The following NME7 variants were observed in gnomAD, a reference collection of about 807,000 sequenced individuals.
NME7 encodes NME/NM23 family member 7.
Under a neutral mutation model 49.1 loss-of-function variants are expected in NME7, and 41 were observed. That is an observed-to-expected ratio of 0.83 (90% confidence interval 0.65 to 1.08). NME7 has a LOEUF of 1.08. Ranked by LOEUF, NME7 falls within the 50% of genes least tolerant of loss-of-function variation. NME7 has a pLI of 0.00. For synonymous variants in NME7, 139 were observed against 150.6 expected, an observed-to-expected ratio of 0.92 and a Z score of 0.56; for missense variants, 423 against 463.4, an observed-to-expected ratio of 0.91 and a Z score of 0.80.
chr1:169,159,274 A>C (rs1659171589), intron 11 of NME7, among the ~76,000 whole-genome samples: 1 of 152,182 alleles, frequency 6.6e-6, no homozygotes, highest in Non-Finnish European at 1.5e-5. Flanking sequence ...CAAGGCAAAA[A>C]GCACATACTA....
chr1:169,143,612 T>C (rs1012663091), intron 11 of NME7, among the ~76,000 whole-genome samples: 1 of 152,190 alleles, frequency 6.6e-6, no homozygotes, highest in Admixed American at 6.5e-5. Flanking sequence ...GGAATGTGTG[T>C]CTGAATAGGA....
At chr1:169,329,202 A>AT (rs1334472727) in intron 1 of NME7, among the ~76,000 whole-genome samples, 1 of 151,624 alleles carries the variant, frequency 6.6e-6, no homozygotes, top group African/African-American at 2.4e-5. Flanking sequence ...ATCTGATCTA[A>AT]TTTTTTTCAC....
At chr1:169,254,835 C>G (rs1203000203) in intron 7 of NME7, among the ~76,000 whole-genome samples, 1 of 128,140 alleles carries the variant, frequency 7.8e-6, no homozygotes, top group African/African-American at 2.8e-5. Flanking sequence ...AGTAGTCATT[C>G]AGGAGCAGGT....
intron 7 of NME7, among the ~76,000 whole-genome samples, chr1:169,279,389 A>T (rs1199676767): frequency 6.6e-6 from 1 of 152,170 alleles, no homozygotes; most frequent in Non-Finnish European, 1.5e-5. Context: ...AGCCTGGGCA[A>T]TGGCAGGATC....
rs560730829 is a variant in NME7 at position 169,138,987 on chromosome 1, G to C, written c.1099-6170C>G. ...ATCATTATCTAGCCCCTTTTGCCTC[G>C]AAGATGGTTTTGGTTGTAACTGGTA... is the stretch of plus-strand genomic sequence containing the variant. On this transcript the variant is annotated intron_variant, in intron 11 of 11. Coordinates refer to ENST00000367811, the MANE Select transcript of NME7 (RefSeq NM_013330.5). Among the ~76,000 whole-genome samples, 21 of 152,180 alleles carry C rather than the reference G, an allele frequency of 1.4e-4. No individual in the cohort carries two copies. The South Asian group carries it at 4.4e-3, about 32-fold the overall frequency.
chr1:169,252,388 A>G (rs1474510515), intron 7 of NME7, among the ~76,000 whole-genome samples: 4 of 151,904 alleles, frequency 2.6e-5, no homozygotes, highest in African/African-American at 4.8e-5. Flanking sequence ...CATGTCCTTC[A>G]CCCACTTTTT....
intron 7 of NME7, chr1:169,285,352 C>G (rs559912393): frequency 1.3e-5 from 2 of 152,104 alleles, no homozygotes; most frequent in African/African-American, 4.8e-5. Context: ...TAGACACTCA[C>G]ATACACATAC....
At chr1:169,237,523 G>T in intron 8 of NME7, 100 bp downstream of exon 8, 2 of 764,714 alleles carry the variant, frequency 2.6e-6, no homozygotes, top group Non-Finnish European at 4.2e-6. Flanking sequence ...TATTTTTAAT[G>T]TGGTTCATGA....
intron 4 of NME7, among the ~76,000 whole-genome samples, chr1:169,307,799 C>A (rs2101917670): frequency 6.6e-6 from 1 of 152,218 alleles, no homozygotes; most frequent in East Asian, 1.9e-4. Context: ...GCGGGTGAAT[C>A]ATTTGAGGTC....
At chr1:169,193,734 AG>A (rs1186609813) in intron 10 of NME7, among the ~76,000 whole-genome samples, 6 of 152,128 alleles carry the variant, frequency 3.9e-5, no homozygotes, top group Non-Finnish European at 2.9e-5. Flanking sequence ...GGGAAACTTG[AG>A]CCCCTCCTTC....
chr1:169,265,844 G>A (rs1649302133), intron 7 of NME7, among the ~76,000 whole-genome samples: 1 of 132,748 alleles, frequency 7.5e-6, no homozygotes, highest in African/African-American at 2.5e-5. Flanking sequence ...ACACCGTTAT[G>A]CACATAAGCT....
intron 7 of NME7, among the ~76,000 whole-genome samples, chr1:169,271,137 G>A (rs1649477320): frequency 7.5e-6 from 1 of 133,104 alleles, no homozygotes; most frequent in African/African-American, 2.5e-5. Flanking sequence ...CACAGACCAA[G>A]AACTCTTTAT....
At chr1:169,335,029 A>G (rs978481499) in intron 1 of NME7, among the ~76,000 whole-genome samples, 1 of 152,174 alleles carries the variant, frequency 6.6e-6, no homozygotes, top group African/African-American at 2.4e-5. Context: ...ATCTCACACC[A>G]GTTAGAATGA....
In NME7 at chr1:169,227,474, G is replaced by T. The variant is rs568010853; in HGVS notation, c.990+3244C>A. 1.6e-4 allele frequency among the ~76,000 whole-genome samples: 25 copies of T among 152,244 alleles called. No individual in the cohort carries two copies. The South Asian group carries it at 4.6e-3, about 28-fold the overall frequency. On this transcript the variant is annotated intron_variant, in intron 10 of 11. Transcript: ENST00000367811. ...TGGAGAAAATAAATGTATTTCTGCTGGGTGAGAGCATTTGAAAATATTTTT... is the reference window on the plus strand; with the variant it reads ...TGGAGAAAATAAATGTATTTCTGCTTGGTGAGAGCATTTGAAAATATTTTT...
At chr1:169,222,234 G>A (rs1207953426) in intron 10 of NME7, among the ~76,000 whole-genome samples, 1 of 151,982 alleles carries the variant, frequency 6.6e-6, no homozygotes, top group African/African-American at 2.4e-5. Flanking sequence ...TCTCCAACTA[G>A]AATGTAAGCT....
Position 169,192,846 on chromosome 1 carries a change from A to C in NME7, c.991-23292T>G, listed in dbSNP as rs12076510. ...TGTGTGTATTTCATTTTTTAAACAA[A>C]TATATTAAATTTAGGATTTATTTAG... is the stretch of plus-strand genomic sequence containing the variant. On this transcript the variant is annotated intron_variant, in intron 10 of 11. Transcript: ENST00000367811. Among the ~76,000 whole-genome samples, 6 of 152,052 alleles carry C rather than the reference A, an allele frequency of 3.9e-5. No individual in the cohort carries two copies. The East Asian group carries it at 1.2e-3, about 29-fold the overall frequency.
intron 10 of NME7, among the ~76,000 whole-genome samples, chr1:169,211,531 A>C (rs1183889799): frequency 6.6e-6 from 1 of 152,146 alleles, no homozygotes; most frequent in Non-Finnish European, 1.5e-5. Context: ...TACTTTTAAA[A>C]CTTAACAGAG....
chr1:169,279,305 G>A (rs1649895628), intron 7 of NME7, among the ~76,000 whole-genome samples: 1 of 152,238 alleles, frequency 6.6e-6, no homozygotes, highest in South Asian at 2.1e-4. Context: ...AGCCTACAGA[G>A]GCAGGCAGGC....
chr1:169,367,043 A>C (rs1036158171), intron 1 of NME7, among the ~76,000 whole-genome samples: 1 of 152,196 alleles, frequency 6.6e-6, no homozygotes, highest in African/African-American at 2.4e-5. Context: ...TTTAAAATGC[A>C]AATACCGAGC....
Sources: allele counts gnomAD v4.1 joint callset (sites outside exome capture counted in the v4.1 genomes callset), GRCh38; gene constraint gnomAD v4.1.1; transcripts MANE v1.5; gene names NCBI Gene and HGNC (gene_info 2026-07-23, HGNC 2026-07-21).